RNF217: variants seen among roughly 807,000 people sequenced by gnomAD.
The protein encoded by RNF217 is E3 ubiquitin-protein ligase RNF217.
A neutral mutation model predicts 57.8 loss-of-function variants in RNF217; 31 were observed. The observed-to-expected ratio is 0.54, with a 90% CI of 0.40 to 0.72. The LOEUF (loss-of-function observed/expected upper bound fraction) is 0.72. Among genes scored for constraint, RNF217 ranks in the 30% least tolerant of loss-of-function variants. The probability of loss-of-function intolerance (pLI) is 0.00; values close to 1 mark genes in which losing one functional copy is unlikely to be tolerated. For missense variants in RNF217, 696 were observed against 708.3 expected (o/e 0.98, Z 0.20); for synonymous variants, 313 against 294.0 (o/e 1.06, Z -0.66).
chr6:125,059,246 T>C (rs1787637600), intron 3 of RNF217, among the ~76,000 whole-genome samples: 1 of 152,194 alleles, frequency 6.6e-6, no homozygotes, highest in Non-Finnish European at 1.5e-5. Flanking sequence ...TGTCTAAAGA[T>C]ATTTGGCCTA....
chr6:125,050,657 T>G (rs1032076930), intron 2 of RNF217, among the ~76,000 whole-genome samples: 4 of 151,872 alleles, frequency 2.6e-5, no homozygotes, highest in Non-Finnish European at 4.4e-5. Context: ...TTCCCATATA[T>G]AAGAATGTGT....
intron 2 of RNF217, among the ~76,000 whole-genome samples, chr6:125,047,129 A>G (rs1787126514): frequency 6.6e-6 from 1 of 152,064 alleles, no homozygotes; most frequent in Non-Finnish European, 1.5e-5. Context: ...TAATTCCATA[A>G]ATTAGGATAT....
At chr6:125,072,583 C>T (rs1288341285) in intron 3 of RNF217, among the ~76,000 whole-genome samples, 1 of 152,018 alleles carries the variant, frequency 6.6e-6, no homozygotes, top group African/African-American at 2.4e-5. Context: ...TTTTAGAACC[C>T]AATGAAGCAA....
At chr6:125,000,617 A>G (rs747597384) in intron 1 of RNF217, among the ~76,000 whole-genome samples, 23 of 152,096 alleles carry the variant, frequency 1.5e-4, no homozygotes, top group Non-Finnish European at 1.3e-4. Context: ...CTAGGAAAAT[A>G]TGGTACATTT....
At chr6:125,023,545 G>T (rs745792468) in intron 1 of RNF217, among the ~76,000 whole-genome samples, 2 of 152,130 alleles carry the variant, frequency 1.3e-5, no homozygotes, top group Non-Finnish European at 2.9e-5. Context: ...AAATAGAACT[G>T]CCAGATGATC....
intron 1 of RNF217, among the ~76,000 whole-genome samples, chr6:124,977,213 G>T (rs937073953): frequency 1.3e-5 from 2 of 152,114 alleles, no homozygotes; most frequent in Non-Finnish European, 2.9e-5. Context: ...ATCAGGGAAA[G>T]TACAAATGTA....
At position 125,067,920 on chromosome 6, in the gene RNF217, GA is replaced by G. The variant is rs201736140; in HGVS notation, c.1282-8731del. Among the ~76,000 whole-genome samples the G allele has an allele frequency of 4.8e-3, 730 of 152,146 alleles. 11 individuals are homozygous for G. Among genetic ancestry groups the G allele is most frequent in the African/African-American group, 0.017 (702 of 41,530 alleles). The stretch of plus-strand genomic sequence containing the variant: ...ACCTCAGAGAGGAGAGGAGAAACTG[GA>G]AAAAAGATGTCACTGAAGCAATAGT... On this transcript the variant is annotated intron_variant, in intron 3 of 5. Coordinates refer to ENST00000521654, the MANE Select transcript of RNF217 (RefSeq NM_001286398.3).
intron 1 of RNF217, among the ~76,000 whole-genome samples, chr6:124,970,107 G>A (rs923273313): frequency 5.9e-5 from 9 of 152,126 alleles, no homozygotes; most frequent in African/African-American, 1.9e-4. Context: ...AAAGCTGGTC[G>A]GGCAGGGATT....
chr6:124,964,456 G>T (rs1375303577), intron 1 of RNF217, among the ~76,000 whole-genome samples: 1 of 152,018 alleles, frequency 6.6e-6, no homozygotes. Flanking sequence ...TCCCATATGT[G>T]GTAGCTTCAT....
At chr6:125,011,500 C>T (rs1261851984) in intron 1 of RNF217, among the ~76,000 whole-genome samples, 1 of 152,098 alleles carries the variant, frequency 6.6e-6, no homozygotes, top group Non-Finnish European at 1.5e-5. Flanking sequence ...GTTCATCTCA[C>T]CTCATGATTT....
chr6:124,986,631 A>G lies in RNF217; in HGVS notation c.882+23205A>G, dbSNP rs375878922. ...TTGTGTTTATTCAAAAGAATTTTATAAGGTTATCTCTTCCCTGTCTTATGT... is the reference window on the plus strand; with the variant it reads ...TTGTGTTTATTCAAAAGAATTTTATGAGGTTATCTCTTCCCTGTCTTATGT... On this transcript the variant is annotated intron_variant, in intron 1 of 5. Coordinates refer to ENST00000521654, the MANE Select transcript of RNF217 (RefSeq NM_001286398.3). Among the ~76,000 whole-genome samples, 7 of 152,298 alleles carry G rather than the reference A, an allele frequency of 4.6e-5. No individual in the cohort carries two copies. In the East Asian group the frequency reaches 1.2e-3, roughly 25 times the overall value.
chr6:124,979,303 G>A (rs1470402968), intron 1 of RNF217, among the ~76,000 whole-genome samples: 2 of 152,206 alleles, frequency 1.3e-5, no homozygotes, highest in East Asian at 3.8e-4. Context: ...GCTATTGTCT[G>A]AAAAATGGTT....
Position 124,962,624 on chromosome 6 carries a change from A to G in RNF217, c.80A>G (p.His27Arg). 7.6e-7 allele frequency: 1 copy of G among 1,319,066 alleles called. No homozygotes were observed. The highest frequency in any genetic ancestry group is 9.6e-7 in the Non-Finnish European group (1 of 1,044,878). The allele number at this position is 1,319,066 out of a possible 1,614,324, so 81.7% of individuals were successfully genotyped here. ...SQTLASGTAG[H>R]PEPPRPQGDS... ...ACCCTGGCCAGTGGCACTGCGGGCC[A>G]CCCTGAGCCCCCGAGGCCTCAGGGG... is the stretch of plus-strand genomic sequence containing the variant. The change falls in exon 1 of 6, where the codon CAC (histidine) becomes CGC (arginine). Residue 27 changes from histidine to arginine, a missense_variant. Physicochemically the swap from His to Arg is conservative, Grantham distance 29. This residue lies in a region of RNF217 where 465 missense variants were observed against 386.8 expected (regional missense o/e 1.20). Transcript: ENST00000521654. This position sits in a 1 kb window ranked among gnomAD's most constrained non-coding sequence, Gnocchi z 4.6.
chr6:125,022,371 A>G (rs572583756), intron 1 of RNF217, among the ~76,000 whole-genome samples: 82 of 152,384 alleles, frequency 5.4e-4, no homozygotes, highest in Non-Finnish European at 9.4e-4. Flanking sequence ...AAATTAACAC[A>G]TTAACAAAAA....
At chr6:124,967,861 C>G (rs1399971180) in intron 1 of RNF217, among the ~76,000 whole-genome samples, 2 of 152,124 alleles carry the variant, frequency 1.3e-5, no homozygotes, top group African/African-American at 4.8e-5. Context: ...TCACTGCAAC[C>G]TTTGCCTCCC....
At chr6:125,080,749 G>GTTT (rs1454070870) in intron 4 of RNF217, among the ~76,000 whole-genome samples, 1 of 152,064 alleles carries the variant, frequency 6.6e-6, no homozygotes, top group Non-Finnish European at 1.5e-5. Flanking sequence ...ATTTAGAAAA[G>GTTT]AAAATGCTGG....
chr6:125,076,373 G>C (rs942037148), intron 3 of RNF217, among the ~76,000 whole-genome samples: 14 of 152,088 alleles, frequency 9.2e-5, no homozygotes, highest in African/African-American at 3.4e-4. Context: ...TGTATGTCTG[G>C]AAAGATAAAT....
At chr6:124,991,231 T>A (rs1207769543) in intron 1 of RNF217, among the ~76,000 whole-genome samples, 1 of 152,178 alleles carries the variant, frequency 6.6e-6, no homozygotes, top group Non-Finnish European at 1.5e-5. Context: ...CCTCCTGCCA[T>A]TGCTCACTCA....
intron 1 of RNF217, among the ~76,000 whole-genome samples, chr6:125,012,289 G>A (rs1448764161): frequency 6.6e-6 from 1 of 152,110 alleles, no homozygotes; most frequent in African/African-American, 2.4e-5. Flanking sequence ...CTATGTTTCA[G>A]TTTGAACAGC....
Sources: gnomAD v4.1 joint callset for allele counts (sites outside exome capture counted in the v4.1 genomes callset) on GRCh38, gnomAD v4.1.1 for gene constraint, gnomAD v4.1.1 regional missense constraint, Gnocchi (gnomAD v3.1) non-coding constraint, MANE v1.5 for transcripts, NCBI Gene and HGNC (gene_info 2026-07-23, HGNC 2026-07-21) for gene names.